HPSE2: variants seen among roughly 807,000 people sequenced by gnomAD.
HPSE2 encodes the protein heparanase 2 (inactive), also known as inactive heparanase-2.
HPSE2 carries 38 observed loss-of-function variants against 60.5 expected under a neutral mutation model. The observed-to-expected ratio is 0.63, with a 90% confidence interval of 0.48 to 0.82. The LOEUF (loss-of-function observed/expected upper bound fraction) is 0.82, where lower values mean the gene tolerates loss of function less well. Ranked by LOEUF, HPSE2 falls within the 40% of genes least tolerant of loss-of-function variation. The pLI, the probability that HPSE2 is intolerant of heterozygous loss-of-function variation, is 0.00. For missense variants in HPSE2, 713 were observed against 740.4 expected (o/e 0.96, Z 0.43); for synonymous variants, 295 against 293.2 (o/e 1.01, Z -0.06).
At chr10:99,295,961 T>C in the HPSE2 span, among the ~76,000 whole-genome samples, 1 of 152,202 alleles carries the variant, frequency 6.6e-6, no homozygotes, top group African/African-American at 2.4e-5. Flanking sequence ...CTCCAAAAAG[T>C]GTCCCCTGAC....
intron 4 of HPSE2, among the ~76,000 whole-genome samples, chr10:98,738,838 A>G (rs1949422591): frequency 6.6e-6 from 1 of 152,186 alleles, no homozygotes; most frequent in African/African-American, 2.4e-5. Flanking sequence ...GCTAGAGAAG[A>G]TGTGGAGAAA....
intron 2 of HPSE2, among the ~76,000 whole-genome samples, chr10:99,163,498 G>GT (rs1482448363): frequency 2.3e-4 from 35 of 152,090 alleles, no homozygotes; most frequent in African/African-American, 8.5e-4. Context: ...GTACACGTGT[G>GT]TACATGTATG....
chr10:98,502,242 C>A (rs1942049905), intron 9 of HPSE2, among the ~76,000 whole-genome samples: 1 of 152,128 alleles, frequency 6.6e-6, no homozygotes, highest in African/African-American at 2.4e-5. Flanking sequence ...ATAGCCACAG[C>A]AAGACTAAGC....
At chr10:98,488,930 A>AGT (rs1011696587) in intron 10 of HPSE2, among the ~76,000 whole-genome samples, 10 of 151,776 alleles carry the variant, frequency 6.6e-5, no homozygotes, top group Non-Finnish European at 1.3e-4. Context: ...CTCTCCTCAG[A>AGT]GTGATTCTTT....
intron 3 of HPSE2, among the ~76,000 whole-genome samples, chr10:99,002,809 T>A (rs1380000378): frequency 3.9e-5 from 6 of 152,118 alleles, no homozygotes; most frequent in Non-Finnish European, 8.8e-5. Flanking sequence ...TACAAAATAA[T>A]GTTTTGAAAT....
the HPSE2 span, among the ~76,000 whole-genome samples, chr10:99,287,542 C>T: frequency 1.3e-5 from 2 of 152,072 alleles, no homozygotes; most frequent in African/African-American, 4.8e-5. Context: ...ACATCACAGA[C>T]AATGTGAAGA....
chr10:98,766,436 T>A (rs953668431), intron 3 of HPSE2, among the ~76,000 whole-genome samples: 2 of 152,332 alleles, frequency 1.3e-5, no homozygotes, highest in Admixed American at 1.3e-4. Flanking sequence ...TAATGCATTT[T>A]GAGGCCAGCA....
chr10:98,822,949 T>C (rs1951458073), intron 3 of HPSE2, among the ~76,000 whole-genome samples: 1 of 152,222 alleles, frequency 6.6e-6, no homozygotes. Flanking sequence ...GGGAGATTAT[T>C]CTAAATTATC....
intron 3 of HPSE2, among the ~76,000 whole-genome samples, chr10:98,981,655 T>G (rs549724777): frequency 6.6e-6 from 1 of 152,278 alleles, no homozygotes; most frequent in South Asian, 2.1e-4. Flanking sequence ...GAAATTGATA[T>G]CTCTTCTAGC....
intron 3 of HPSE2, among the ~76,000 whole-genome samples, chr10:98,967,096 G>A (rs1037998101): frequency 6.6e-6 from 1 of 152,176 alleles, no homozygotes; most frequent in South Asian, 2.1e-4. Flanking sequence ...TAGGAGAAGG[G>A]GGTAGACTCC....
chr10:99,100,370 T>C (rs1442589495), intron 3 of HPSE2, among the ~76,000 whole-genome samples: 1 of 152,024 alleles, frequency 6.6e-6, no homozygotes, highest in African/African-American at 2.4e-5. Flanking sequence ...CCCAACTCGA[T>C]CAACTGGAAG....
In HPSE2 at chr10:98,919,506, A is replaced by T. The variant is rs1445888796; in HGVS notation, c.611-175450T>A. The stretch of plus-strand genomic sequence containing the variant: ...TAGGGAGAAAAGATAGGAAGCTACT[A>T]AAATAACCCAAGGAAGTGAGGATGA... On this transcript the variant is annotated intron_variant, in intron 3 of 11. Transcript: ENST00000370552. 4.6e-5 allele frequency among the ~76,000 whole-genome samples: 7 copies of T among 152,334 alleles called. No individual in the cohort carries two copies. In the South Asian group the frequency reaches 1.2e-3, roughly 27 times the overall value.
intron 9 of HPSE2, among the ~76,000 whole-genome samples, chr10:98,605,428 G>A (rs762926553): frequency 6.6e-6 from 1 of 152,102 alleles, no homozygotes; most frequent in African/African-American, 2.4e-5. Flanking sequence ...TATGTCATAA[G>A]GTTCTCGAAC....
chr10:99,259,667 G>C, the HPSE2 span, among the ~76,000 whole-genome samples: 1 of 152,128 alleles, frequency 6.6e-6, no homozygotes, highest in African/African-American at 2.4e-5. Flanking sequence ...AAATGGACTA[G>C]GTAAACACTC....
intron 3 of HPSE2, among the ~76,000 whole-genome samples, chr10:98,854,808 G>GGAA (rs1281523937): frequency 6.6e-6 from 1 of 152,130 alleles, no homozygotes; most frequent in Non-Finnish European, 1.5e-5. Flanking sequence ...TAGTTTTATA[G>GGAA]GAAGGTATTT....
rs1006242396 is a variant in HPSE2, at chr10:98,829,533, A to C, written c.611-85477T>G. Among the ~76,000 whole-genome samples the C allele has an allele frequency of 5.3e-5, 8 of 152,082 alleles. 1 individual carries two copies. The highest frequency in any genetic ancestry group is 5.2e-4 in the Admixed American group (8 of 15,260). On this transcript the variant is annotated intron_variant, in intron 3 of 11. Coordinates refer to ENST00000370552, the MANE Select transcript of HPSE2 (RefSeq NM_021828.5). ...GAGACTCCATCTCAAAAAAAACAAA[A>C]AAAAAGATGAAGAAAGTTCTGGAGA...
intron 9 of HPSE2, among the ~76,000 whole-genome samples, chr10:98,582,701 G>A (rs533751395): frequency 1.1e-4 from 17 of 152,254 alleles, no homozygotes; most frequent in African/African-American, 3.6e-4. Context: ...TCTCTATGGA[G>A]TATTTACATT....
chr10:98,993,715 A>G (rs140320714), intron 3 of HPSE2, among the ~76,000 whole-genome samples: 433 of 152,272 alleles, frequency 2.8e-3, no homozygotes, highest in Middle Eastern at 6.8e-3. Context: ...ACTTTAATGG[A>G]TTGGTTACAT....
intron 3 of HPSE2, among the ~76,000 whole-genome samples, chr10:98,952,000 G>A (rs773997288): frequency 6.6e-6 from 1 of 152,140 alleles, no homozygotes; most frequent in Non-Finnish European, 1.5e-5. Context: ...CAAGATTCAA[G>A]CCCAGGTAGC....
Sources: allele counts gnomAD v4.1 joint callset (sites outside exome capture counted in the v4.1 genomes callset), GRCh38; gene constraint gnomAD v4.1.1; transcripts MANE v1.5; gene names NCBI Gene and HGNC (gene_info 2026-07-23, HGNC 2026-07-21).